The following SBF2 variants were observed in gnomAD, a reference collection of about 807,000 sequenced individuals.
The protein encoded by SBF2 is SET binding factor 2.
SBF2 carries 112 observed loss-of-function variants against 225.2 expected under a neutral mutation model. That is an observed-to-expected ratio of 0.50 (90% CI 0.43 to 0.58). The LOEUF (loss-of-function observed/expected upper bound fraction) is 0.58. Among genes scored for constraint, SBF2 ranks in the 20% least tolerant of loss-of-function variants. SBF2 has a pLI of 0.00. For missense variants in SBF2, 1,996 were observed against 2,206.2 expected (o/e 0.90, Z 1.91); for synonymous variants, 763 against 773.3 (o/e 0.99, Z 0.22).
At chr11:10,067,129 A>G (rs1192027856) in intron 2 of SBF2, among the ~76,000 whole-genome samples, 1 of 152,214 alleles carries the variant, frequency 6.6e-6, no homozygotes, top group East Asian at 1.9e-4. Flanking sequence ...TTTAAAATGA[A>G]TTACTTAGGG....
intron 1 of SBF2, among the ~76,000 whole-genome samples, chr11:10,230,649 T>G (rs1051034221): frequency 1.3e-5 from 2 of 152,232 alleles, no homozygotes; most frequent in African/African-American, 4.8e-5. Context: ...CTCAGTTTCT[T>G]TTGGCTTGTA....
chr11:9,971,346 T>C (rs543254171), intron 13 of SBF2, among the ~76,000 whole-genome samples: 1 of 152,210 alleles, frequency 6.6e-6, no homozygotes, highest in East Asian at 1.9e-4. Flanking sequence ...CTGTCTTCTG[T>C]CTTTTTCCAA....
chr11:10,079,973 C>T (rs532606275), intron 2 of SBF2, among the ~76,000 whole-genome samples: 425 of 140,188 alleles, frequency 3.0e-3, no homozygotes, highest in African/African-American at 9.6e-3. Flanking sequence ...GTGGGACAGG[C>T]ACGATGGCTC....
At chr11:9,793,306 A>T (rs964527980) in intron 33 of SBF2, among the ~76,000 whole-genome samples, 4 of 152,108 alleles carry the variant, frequency 2.6e-5, no homozygotes, top group African/African-American at 9.7e-5. Flanking sequence ...ACATTTTCTG[A>T]TCCTTGATCT....
At chr11:9,959,446 T>C in intron 16 of SBF2, 2 of 1,048,842 alleles carry the variant, frequency 1.9e-6, no homozygotes, top group South Asian at 1.3e-5. Flanking sequence ...GCTCACCATG[T>C]CCCTTATCCG....
rs1357325262 is a variant in SBF2, at chr11:9,817,040, A to G, written c.3794-16T>C. ...GCCCACACACCTTCACAAAAGCCAA[A>G]GTCGTGGAGTGAGATAATCTAATGT... is the stretch of plus-strand genomic sequence containing the variant. On this transcript the variant is annotated splice_polypyrimidine_tract_variant and intron_variant, in intron 28 of 39. Transcript: ENST00000256190. The G allele has an allele frequency of 6.2e-7, 1 of 1,613,602 alleles. No homozygotes were observed. Among genetic ancestry groups the G allele is most frequent in the African/African-American group, 1.3e-5 (1 of 74,908 alleles).
chr11:9,946,057 T>C (rs2134310455), intron 16 of SBF2, among the ~76,000 whole-genome samples: 2 of 152,326 alleles, frequency 1.3e-5, no homozygotes, highest in Middle Eastern at 6.8e-3. Context: ...AGAACCACCA[T>C]TCAACCCAGC....
At chr11:9,888,337 A>G (rs1368067892) in intron 17 of SBF2, among the ~76,000 whole-genome samples, 1 of 152,042 alleles carries the variant, frequency 6.6e-6, no homozygotes, top group Non-Finnish European at 1.5e-5. Context: ...TCTCTACAAA[A>G]GAAAAAAATT....
At chr11:9,850,300 G>A in intron 21 of SBF2, 82 bp from the exon 22 acceptor site, 12 of 1,309,398 alleles carry the variant, frequency 9.2e-6, no homozygotes, top group Non-Finnish European at 1.3e-5. Flanking sequence ...CTGTTGCCCA[G>A]CCTAGAATAC....
chr11:9,899,521 T>C (rs1861549556), intron 16 of SBF2, among the ~76,000 whole-genome samples: 1 of 145,334 alleles, frequency 6.9e-6, no homozygotes, highest in African/African-American at 2.5e-5. Flanking sequence ...AAAAAGCCAC[T>C]TGAAGAGTTA....
intron 1 of SBF2, among the ~76,000 whole-genome samples, chr11:10,210,455 G>C (rs1316488439): frequency 1.3e-5 from 2 of 151,010 alleles, no homozygotes; most frequent in African/African-American, 4.8e-5. Context: ...CATATCACTT[G>C]CCAAAGCCTT....
At chr11:10,288,962 T>C (rs1019810579) in intron 1 of SBF2, among the ~76,000 whole-genome samples, 4 of 152,134 alleles carry the variant, frequency 2.6e-5, no homozygotes, top group African/African-American at 9.7e-5. Context: ...ACCAGAGACC[T>C]GCCCCCTTCC....
Position 9,958,454 on chromosome 11 carries a change from G to A in SBF2, c.1860+3503C>T, listed in dbSNP as rs189781783. 2.9e-3 allele frequency: 439 copies of A among 152,732 alleles called. 1 individual carries two copies. The highest frequency in any genetic ancestry group is 0.02 in the Middle Eastern group (6 of 300). The allele number at this position is 152,732 out of a possible 1,614,324, so 9.5% of individuals were successfully genotyped here. ...CTCACTGCAGGCTCCGCCCCCTGGG[G>A]TTCACGCCATTCTCCTGCCTCAGCC... On this transcript the variant is annotated intron_variant, in intron 16 of 39. Transcript: ENST00000256190.
intron 2 of SBF2, among the ~76,000 whole-genome samples, chr11:10,173,640 G>A (rs549045341): frequency 2.6e-5 from 4 of 152,276 alleles, no homozygotes; most frequent in African/African-American, 7.2e-5. Flanking sequence ...AGGGAAGCTC[G>A]AACTGGGTGG....
intron 1 of SBF2, among the ~76,000 whole-genome samples, chr11:10,280,861 T>C (rs1238039403): frequency 6.6e-6 from 1 of 152,196 alleles, no homozygotes; most frequent in Admixed American, 6.5e-5. Flanking sequence ...CGGGCAGCCT[T>C]CACTGGTTTC....
chr11:10,012,646 A>T (rs1236344434), intron 6 of SBF2, among the ~76,000 whole-genome samples: 2 of 152,200 alleles, frequency 1.3e-5, no homozygotes. Context: ...TGTGCGCTCA[A>T]AGTCAGTTAA....
At chr11:9,998,009 A>G (rs1947783554) in intron 9 of SBF2, among the ~76,000 whole-genome samples, 1 of 152,180 alleles carries the variant, frequency 6.6e-6, no homozygotes. Flanking sequence ...AATACCTAGG[A>G]CAGTACTAGG....
chr11:10,205,192 T>C (rs983482343), intron 1 of SBF2, among the ~76,000 whole-genome samples: 3 of 151,922 alleles, frequency 2.0e-5, no homozygotes, highest in African/African-American at 4.8e-5. Context: ...TTAAAATAAA[T>C]AAACAAATAA....
chr11:10,169,394 T>C (rs1353821113), intron 2 of SBF2, among the ~76,000 whole-genome samples: 2 of 152,148 alleles, frequency 1.3e-5, no homozygotes, highest in South Asian at 2.1e-4. Context: ...ATGAGATCAA[T>C]TGTTTTAATT....
Sources: allele counts gnomAD v4.1 joint callset (sites outside exome capture counted in the v4.1 genomes callset), GRCh38; gene constraint gnomAD v4.1.1; transcripts MANE v1.5; gene names NCBI Gene and HGNC (gene_info 2026-07-23, HGNC 2026-07-21).